SERPINC1: variants seen among roughly 807,000 people sequenced by gnomAD.
SERPINC1 encodes antithrombin-III.
A neutral mutation model predicts 43.4 loss-of-function variants in SERPINC1; 12 were observed. The observed-to-expected ratio is 0.28, with a 90% CI of 0.18 to 0.45. The LOEUF is 0.45. SERPINC1 is among the 20% of genes least tolerant of loss of function. The pLI is 1.00. For synonymous variants in SERPINC1, 210 were observed against 218.9 expected (o/e 0.96, Z 0.36); for missense variants, 423 against 578.8 (o/e 0.73, Z 2.76).
At chr1:173,916,859 AG>A (rs1310655675) in intron 1 of SERPINC1, among the ~76,000 whole-genome samples, 1 of 152,108 alleles carries the variant, frequency 6.6e-6, no homozygotes, top group Non-Finnish European at 1.5e-5. Flanking sequence ...GGGAGTGAGG[AG>A]GTCCTCATGG....
At chr1:173,904,724 G>A (rs1398543150) in intron 6 of SERPINC1, among the ~76,000 whole-genome samples, 2 of 152,140 alleles carry the variant, frequency 1.3e-5, no homozygotes, top group Admixed American at 1.3e-4. Context: ...TGTGGAGCTG[G>A]TTGATGATGT....
chr1:173,907,083 C>A (rs893867696), intron 6 of SERPINC1, among the ~76,000 whole-genome samples: 2 of 151,616 alleles, frequency 1.3e-5, no homozygotes, highest in Non-Finnish European at 2.9e-5. Context: ...CCATTGCACT[C>A]TAGCCTGGGC....
chr1:173,910,108 T>TC (rs1657705339), intron 4 of SERPINC1, among the ~76,000 whole-genome samples, 166 bp from the exon 5 acceptor site: 1 of 152,158 alleles, frequency 6.6e-6, no homozygotes, highest in Non-Finnish European at 1.5e-5. Flanking sequence ...ATGATGGAAT[T>TC]ATGAGTAGGT....
At chr1:173,914,989 C>A in intron 1 of SERPINC1, 70 bp from the exon 2 acceptor site, 3 of 1,571,296 alleles carry the variant, frequency 1.9e-6, no homozygotes, top group Non-Finnish European at 1.7e-6. Flanking sequence ...CACAGGGTTG[C>A]CCCAGTAAAG....
chr1:173,907,223 T>C (rs1657554787), intron 6 of SERPINC1, among the ~76,000 whole-genome samples: 2 of 152,174 alleles, frequency 1.3e-5, no homozygotes, highest in Admixed American at 6.5e-5. Flanking sequence ...TCTTTTCCTA[T>C]ATCACCCTCC....
rs1366478661 is a variant in SERPINC1, at chr1:173,909,846, C to A, written c.859G>T (p.Glu287Ter). The A allele has an allele frequency of 6.2e-7, 1 of 1,613,968 alleles. No homozygotes were observed. The highest frequency in any genetic ancestry group is 8.5e-7 in the Non-Finnish European group (1 of 1,179,914). The change falls in exon 5 of 7, where the codon GAA becomes TAA. Residue 287 changes from glutamate (E) to a stop codon, truncating the protein, a stop_gained. Transcript: ENST00000367698. LOFTEE classifies it high-confidence loss of function. Reference sequence around the variant, plus strand: ...ACGCGCCGATAACGGAACTTGCCTTCCTGGTACATCATAGATGCTGAACAC... The same window carrying A: ...ACGCGCCGATAACGGAACTTGCCTTACTGGTACATCATAGATGCTGAACAC... ...ESCSASMMYQ[E>*]GKFRYRRVAE...
intron 5 of SERPINC1, among the ~76,000 whole-genome samples, chr1:173,908,779 C>G (rs576581419): frequency 6.6e-6 from 1 of 152,016 alleles, no homozygotes; most frequent in African/African-American, 2.4e-5. Context: ...AGGCTGGTCT[C>G]GAACTCATGG....
chr1:173,910,019 A>G lies in SERPINC1; in HGVS notation c.763-77T>C. On this transcript the variant is annotated intron_variant, in intron 4 of 6. Transcript: ENST00000367698. ...TTGACACAAGACATATCCATATTAT[A>G]GTGTTACATTAATATATAATTATTC... The G allele has an allele frequency of 2.2e-6, 3 of 1,377,680 alleles. No homozygotes were observed. In the South Asian group the frequency reaches 3.5e-5, roughly 16 times the overall value. 85.3% of individuals were successfully genotyped at this position (1,377,680 alleles called of 1,614,324 possible). A position where few individuals can be genotyped will look rare whatever the true frequency, so the allele number is the denominator to read the frequency against.
chr1:173,909,979 A>G, intron 4 of SERPINC1, 37 bp from the exon 5 acceptor site: 1 of 1,602,628 alleles, frequency 6.2e-7, no homozygotes, highest in Non-Finnish European at 8.5e-7. Flanking sequence ...ACAAACATTC[A>G]TAGGAGGATA....
At chr1:173,905,383 C>T (rs1477893058) in intron 6 of SERPINC1, among the ~76,000 whole-genome samples, 2 of 152,116 alleles carry the variant, frequency 1.3e-5, no homozygotes, top group Non-Finnish European at 2.9e-5. Context: ...TGCACTTAGC[C>T]TTTCTGTCCA....
Position 173,917,089 on chromosome 1 carries a change from C to G in SERPINC1, c.41+130G>C, listed in dbSNP as rs939261679. 8.7e-6 allele frequency: 7 copies of G among 805,944 alleles called. No homozygotes were observed. In the African/African-American group the frequency reaches 1.2e-4, roughly 14 times the overall value. The allele number at this position is 805,944 out of a possible 1,614,324, so 49.9% of individuals were successfully genotyped here. A position where few individuals can be genotyped will look rare whatever the true frequency, so the allele number is the denominator to read the frequency against. On this transcript the variant is annotated intron_variant, in intron 1 of 6. Coordinates refer to ENST00000367698, the MANE Select transcript of SERPINC1 (RefSeq NM_000488.4). ...AGCACTTGAAATGACGTCTTCCAAACAGGTCTTTGACTGTAACTACCAGGG... is the reference window on the plus strand; with the variant it reads ...AGCACTTGAAATGACGTCTTCCAAAGAGGTCTTTGACTGTAACTACCAGGG...
At chr1:173,905,278 C>T (rs1328791186) in intron 6 of SERPINC1, among the ~76,000 whole-genome samples, 1 of 152,154 alleles carries the variant, frequency 6.6e-6, no homozygotes, top group Non-Finnish European at 1.5e-5. Context: ...TTGTAAAATC[C>T]CTTGTTCTGA....
At position 173,907,451 on chromosome 1, in the gene SERPINC1, T is replaced by C; in HGVS notation, c.1217A>G (p.Glu406Gly). ...VSDAFHKAFL[E>G]VNEEGSEAAA... is the part of the protein sequence containing the mutation. ...AGAGAGTGGGGAAGGTGTACTCACCTCAAGAAATGCCTTATGGAATGCATC... is the reference window on the plus strand; with the variant it reads ...AGAGAGTGGGGAAGGTGTACTCACCCCAAGAAATGCCTTATGGAATGCATC... Residue 406 changes from glutamate to glycine, a missense_variant and splice_region_variant, in exon 6 of 7, where the codon GAG becomes GGG. Glu to Gly is a moderately conservative substitution (Grantham distance 98). Coordinates refer to ENST00000367698, the MANE Select transcript of SERPINC1 (RefSeq NM_000488.4). 6.2e-7 allele frequency: 1 copy of C among 1,611,020 alleles called. No homozygotes were observed. Among genetic ancestry groups the C allele is most frequent in the Admixed American group, 1.7e-5 (1 of 59,998 alleles).
chr1:173,906,524 A>G (rs1657520105), intron 6 of SERPINC1, among the ~76,000 whole-genome samples: 4 of 151,900 alleles, frequency 2.6e-5, no homozygotes. Context: ...ACTGATGCAC[A>G]CTCACCAGCT....
At chr1:173,907,388 G>A (rs1181275758) in intron 6 of SERPINC1, 62 bp downstream of exon 6, 5 of 1,318,898 alleles carry the variant, frequency 3.8e-6, no homozygotes, top group African/African-American at 2.9e-5. Flanking sequence ...CCTTTTCCAC[G>A]TGTTCCTGCT....
At chr1:173,915,172 G>A (rs776470508) in intron 1 of SERPINC1, 42 of 1,380,778 alleles carry the variant, frequency 3.0e-5, no homozygotes, top group Non-Finnish European at 3.9e-5. Context: ...AGTATTATGT[G>A]CTCAATTCCC....
At chr1:173,908,349 G>A (rs1657617144) in intron 5 of SERPINC1, among the ~76,000 whole-genome samples, 1 of 151,710 alleles carries the variant, frequency 6.6e-6, no homozygotes, top group Non-Finnish European at 1.5e-5. Context: ...AATTAGCCGG[G>A]CGTGGTGGCA....
At chr1:173,915,096 C>A in intron 1 of SERPINC1, 177 bp from the exon 2 acceptor site, 2 of 1,469,420 alleles carry the variant, frequency 1.4e-6, no homozygotes, top group Non-Finnish European at 1.8e-6. Context: ...AGACTTCTTG[C>A]CAGGGGACAG....
At position 173,909,792 on chromosome 1, in the gene SERPINC1, G is replaced by A; in HGVS notation, c.913C>T (p.Pro305Ser). The change falls in exon 5 of 7, where the codon CCC becomes TCC. Residue 305 changes from proline (P) to serine (S), a missense_variant. Coordinates refer to ENST00000367698, the MANE Select transcript of SERPINC1 (RefSeq NM_000488.4). ...ATGGTGATGTCATCACCTTTGAAGGGCAACTCAAGCACCTGGGTGCCTTCA... is the reference window on the plus strand; with the variant it reads ...ATGGTGATGTCATCACCTTTGAAGGACAACTCAAGCACCTGGGTGCCTTCA... ...VAEGTQVLEL[P>S]FKGDDITMVL... 4 of 1,614,212 alleles carry A rather than the reference G, an allele frequency of 2.5e-6. No homozygotes were observed. Among genetic ancestry groups the A allele is most frequent in the Non-Finnish European group, 3.4e-6 (4 of 1,180,024 alleles).
Sources: allele counts gnomAD v4.1 joint callset (sites outside exome capture counted in the v4.1 genomes callset), GRCh38; gene constraint gnomAD v4.1.1; transcripts MANE v1.5; gene names NCBI Gene and HGNC (gene_info 2026-07-23, HGNC 2026-07-21).